Variants in PKHD1L1 observed in about 807,000 individuals in gnomAD.
The protein encoded by PKHD1L1 is fibrocystin-L.
A neutral mutation model predicts 462.9 loss-of-function variants in PKHD1L1; 434 were observed. The ratio of observed to expected loss-of-function variants is 0.94; its 90% CI spans 0.87 to 1.02. The LOEUF (loss-of-function observed/expected upper bound fraction) is 1.02, where lower values mean the gene tolerates loss of function less well. Among genes scored for constraint, PKHD1L1 ranks in the 50% least tolerant of loss-of-function variants. The pLI, the probability that PKHD1L1 is intolerant of heterozygous loss-of-function variation, is 0.00. For synonymous variants in PKHD1L1, 1,781 were observed against 1,750.0 expected (o/e 1.02, Z -0.44); for missense variants, 5,202 against 5,096.1 (o/e 1.02, Z -0.63).
At chr8:109,425,633 C>G (rs1046780979) in intron 24 of PKHD1L1, among the ~76,000 whole-genome samples, 4 of 151,904 alleles carry the variant, frequency 2.6e-5, no homozygotes, top group African/African-American at 9.7e-5. Flanking sequence ...TAAGTCAAAA[C>G]TTTCTATAAT....
intron 50 of PKHD1L1, among the ~76,000 whole-genome samples, chr8:109,469,206 C>A (rs1817596961): frequency 6.6e-6 from 1 of 152,102 alleles, no homozygotes; most frequent in African/African-American, 2.4e-5. Flanking sequence ...CCATCCCCTA[C>A]CAGCATTTCT....
Position 109,475,350 on chromosome 8 carries a change from T to C in PKHD1L1, c.8757+81T>C, listed in dbSNP as rs912954861. 4.4e-6 allele frequency: 5 copies of C among 1,140,010 alleles called. No individual in the cohort carries two copies. In the African/African-American group the frequency reaches 6.4e-5, roughly 15 times the overall value. 70.6% of individuals were successfully genotyped at this position (1,140,010 alleles called of 1,614,324 possible). A position where few individuals can be genotyped will look rare whatever the true frequency, so the allele number is the denominator to read the frequency against. On this transcript the variant is annotated intron_variant, in intron 51 of 77. Transcript: ENST00000378402. ...CATCCTCATACTTACTCACAGACAT[T>C]GTCAGGCCAGAGGGACTTTCATCAC...
At chr8:109,380,820 T>C (rs1812071412) in intron 2 of PKHD1L1, among the ~76,000 whole-genome samples, 1 of 152,196 alleles carries the variant, frequency 6.6e-6, no homozygotes, top group South Asian at 2.1e-4. Flanking sequence ...CCTCAGATTT[T>C]GCTTTGTAGA....
intron 72 of PKHD1L1, among the ~76,000 whole-genome samples, chr8:109,516,657 A>G (rs72669111): frequency 0.18 from 27,255 of 152,084 alleles, 2,615 homozygotes; most frequent in South Asian, 0.37. Context: ...CCATTATGCT[A>G]TATTTCCTTC....
intron 47 of PKHD1L1, among the ~76,000 whole-genome samples, chr8:109,460,496 CA>C (rs1182874484): frequency 2.0e-5 from 3 of 152,070 alleles, no homozygotes. Flanking sequence ...TTTTCAAAGT[CA>C]GCTCTGTTGG....
intron 48 of PKHD1L1, 107 bp downstream of exon 48, chr8:109,462,015 G>T: frequency 7.7e-7 from 1 of 1,302,288 alleles, no homozygotes. Context: ...ATCTGGTAGG[G>T]GAGACAGATA....
intron 70 of PKHD1L1, among the ~76,000 whole-genome samples, chr8:109,510,299 G>A (rs796800277): frequency 5.3e-5 from 8 of 152,244 alleles, no homozygotes; most frequent in East Asian, 1.9e-4. Flanking sequence ...CAGGTACAGA[G>A]CCTATTGTTA....
chr8:109,448,152 G>A lies in PKHD1L1; in HGVS notation c.5786G>A (p.Gly1929Glu). The A allele has an allele frequency of 6.2e-7, 1 of 1,603,140 alleles. No homozygotes were observed. Among genetic ancestry groups the A allele is most frequent in the Non-Finnish European group, 8.5e-7 (1 of 1,174,532 alleles). ...RGIIPSRGPP[G>E]TEIEITGSNF... The stretch of plus-strand genomic sequence containing the variant: ...TTTTTTTTTTTTTAAGGTCCACCAG[G>A]AACTGAAATTGAGATCACTGGATCC... The change falls in exon 39 of 78, where the codon GGA becomes GAA. Residue 1929 changes from glycine to glutamate, a missense_variant. Physicochemically the swap from Gly to Glu is moderately conservative, Grantham distance 98 (BLOSUM62 -2). Transcript: ENST00000378402.
At position 109,476,686 on chromosome 8, in the gene PKHD1L1, A is replaced by C. The variant is rs965207472; in HGVS notation, c.8917+19A>C. 6.4e-7 allele frequency: 1 copy of C among 1,569,614 alleles called. No individual in the cohort carries two copies. Among genetic ancestry groups the C allele is most frequent in the Non-Finnish European group, 8.6e-7 (1 of 1,159,638 alleles). ...TACTTGGGTATGTGTCATTAGGCAG[A>C]AATGATAGTTTATCTAATGCTTTGT... On this transcript the variant is annotated intron_variant, in intron 52 of 77. Transcript: ENST00000378402.
At chr8:109,371,133 G>A (rs888197104) in intron 2 of PKHD1L1, among the ~76,000 whole-genome samples, 34 of 152,162 alleles carry the variant, frequency 2.2e-4, no homozygotes, top group Non-Finnish European at 4.9e-4. Flanking sequence ...GTGTAAAAGT[G>A]TTCCTATTTC....
intron 2 of PKHD1L1, among the ~76,000 whole-genome samples, chr8:109,374,992 T>A (rs979615772): frequency 6.6e-6 from 1 of 152,198 alleles, no homozygotes; most frequent in African/African-American, 2.4e-5. Flanking sequence ...GAGTTGCTCT[T>A]CTTGAGGAGT....
intron 56 of PKHD1L1, among the ~76,000 whole-genome samples, chr8:109,482,622 A>T (rs1372774197): frequency 2.0e-5 from 3 of 151,446 alleles, no homozygotes; most frequent in Admixed American, 6.6e-5. Flanking sequence ...ATTTAAACTT[A>T]CAGATAAAAC....
intron 17 of PKHD1L1, among the ~76,000 whole-genome samples, chr8:109,407,462 A>T (rs1813616696): frequency 1.3e-5 from 2 of 152,288 alleles, no homozygotes; most frequent in Admixed American, 1.3e-4. Flanking sequence ...TTACCCAACA[A>T]AAAGGGTCAA....
chr8:109,408,557 T>G (rs756417537), intron 18 of PKHD1L1, among the ~76,000 whole-genome samples: 2 of 152,184 alleles, frequency 1.3e-5, no homozygotes, highest in African/African-American at 2.4e-5. Context: ...CCTTGAGAGA[T>G]GTAGTGCAAT....
At chr8:109,439,211 A>G in intron 32 of PKHD1L1, 119 bp downstream of exon 32, 2 of 915,688 alleles carry the variant, frequency 2.2e-6, no homozygotes, top group Non-Finnish European at 3.3e-6. Flanking sequence ...ACCTTCCTAT[A>G]TCTTCTTTGG....
At chr8:109,412,846 A>T (rs901827217) in intron 20 of PKHD1L1, among the ~76,000 whole-genome samples, 3 of 152,116 alleles carry the variant, frequency 2.0e-5, no homozygotes, top group African/African-American at 7.2e-5. Context: ...TAGTGAGGGT[A>T]TTTAACACTG....
At chr8:109,477,481 G>A (rs989698039) in intron 53 of PKHD1L1, 85 bp downstream of exon 53, 2 of 1,254,432 alleles carry the variant, frequency 1.6e-6, no homozygotes, top group African/African-American at 1.5e-5. Context: ...AAATAATAAT[G>A]CTTTACTCTT....
At chr8:109,374,951 A>G (rs1254098737) in intron 2 of PKHD1L1, among the ~76,000 whole-genome samples, 2 of 151,990 alleles carry the variant, frequency 1.3e-5, no homozygotes, top group African/African-American at 4.8e-5. Context: ...CTTCATTTCA[A>G]CTTTGGTGAA....
rs963267046 is a variant in PKHD1L1, at chr8:109,494,472, A to G, written c.10327+721A>G. Among the ~76,000 whole-genome samples the G allele has an allele frequency of 7.9e-5, 12 of 152,104 alleles. No homozygotes were observed. In the South Asian group the frequency reaches 1.9e-3, roughly 24 times the overall value. On this transcript the variant is annotated intron_variant, in intron 63 of 77. Transcript: ENST00000378402. ...ATCACAGCATTGTCTGTACTAGCAG[A>G]AAACCGAAAGCCACTTTGTGTCCCG... is the stretch of plus-strand genomic sequence containing the variant.
Sources: allele counts gnomAD v4.1 joint callset (sites outside exome capture counted in the v4.1 genomes callset), GRCh38; gene constraint gnomAD v4.1.1; transcripts MANE v1.5; gene names NCBI Gene and HGNC (gene_info 2026-07-23, HGNC 2026-07-21).